The following ARHGAP42 variants were observed in gnomAD, a reference collection of about 807,000 sequenced individuals.
ARHGAP42 encodes rho GTPase-activating protein 42.
ARHGAP42 carries 63 observed loss-of-function variants against 125.0 expected under a neutral mutation model. That is an observed-to-expected ratio of 0.50 (90% CI 0.41 to 0.62). The LOEUF (loss-of-function observed/expected upper bound fraction) is 0.62. ARHGAP42 is among the 20% of genes least tolerant of loss of function. The pLI, the probability that ARHGAP42 is intolerant of heterozygous loss-of-function variation, is 0.00. For missense variants in ARHGAP42, 766 were observed against 1,024.2 expected (o/e 0.75, Z 3.44); for synonymous variants, 339 against 351.0 (o/e 0.97, Z 0.38).
In ARHGAP42 at chr11:100,913,565, C is replaced by T; in HGVS notation, c.486+12C>T. Reference sequence around the variant, plus strand: ...CTCATTTACAAGAGGTAAGCTTTTCCAACTGAAATAATGGAAAAGGCATTA... The same window carrying T: ...CTCATTTACAAGAGGTAAGCTTTTCTAACTGAAATAATGGAAAAGGCATTA... On this transcript the variant is annotated intron_variant, in intron 5 of 23. Transcript: ENST00000298815. 1 of 1,254,420 alleles carries T rather than the reference C, an allele frequency of 8.0e-7. No individual in the cohort carries two copies. Among genetic ancestry groups the T allele is most frequent in the South Asian group, 1.3e-5 (1 of 74,428 alleles). 77.7% of individuals were successfully genotyped at this position (1,254,420 alleles called of 1,614,324 possible).
intron 3 of ARHGAP42, among the ~76,000 whole-genome samples, chr11:100,801,421 T>C (rs1863849006): frequency 6.6e-6 from 1 of 152,202 alleles, no homozygotes; most frequent in Admixed American, 6.5e-5. Flanking sequence ...AAATATCGAC[T>C]GGATGCAGTT....
At chr11:100,807,442 C>T (rs745473621) in intron 3 of ARHGAP42, among the ~76,000 whole-genome samples, 14 of 152,150 alleles carry the variant, frequency 9.2e-5, no homozygotes, top group East Asian at 3.9e-4. Flanking sequence ...GAAATCCACC[C>T]GCCTCGGTCT....
chr11:100,903,247 T>C (rs1866611013), intron 4 of ARHGAP42, among the ~76,000 whole-genome samples: 2 of 152,106 alleles, frequency 1.3e-5, no homozygotes, highest in South Asian at 4.2e-4. Flanking sequence ...AAAAATTTAA[T>C]TTCTACTGCT....
At chr11:100,868,047 G>A (rs1865613073) in intron 4 of ARHGAP42, among the ~76,000 whole-genome samples, 1 of 151,982 alleles carries the variant, frequency 6.6e-6, no homozygotes, top group Admixed American at 6.6e-5. Context: ...TCACAATAGT[G>A]GTGTCAAAGA....
chr11:100,962,517 T>C (rs1857981568), intron 16 of ARHGAP42, 50 bp downstream of exon 16: 5 of 1,438,208 alleles, frequency 3.5e-6, no homozygotes, highest in Non-Finnish European at 4.8e-6. Flanking sequence ...AGTTTTATGC[T>C]GCCATACTTA....
chr11:100,704,730 G>C (rs978622635), intron 1 of ARHGAP42, among the ~76,000 whole-genome samples: 4 of 151,950 alleles, frequency 2.6e-5, no homozygotes, highest in Admixed American at 6.6e-5. Context: ...AGACCAAGGA[G>C]GGAGGATCTC....
intron 10 of ARHGAP42, among the ~76,000 whole-genome samples, chr11:100,947,636 A>T (rs894977232): frequency 1.3e-5 from 2 of 151,942 alleles, no homozygotes; most frequent in East Asian, 3.8e-4. Flanking sequence ...CCAACATCAG[A>T]TTATCTTGAT....
intron 1 of ARHGAP42, among the ~76,000 whole-genome samples, chr11:100,751,061 C>A (rs1303021920): frequency 1.3e-5 from 2 of 151,482 alleles, no homozygotes; most frequent in Admixed American, 1.3e-4. Context: ...GCCTCAGCCT[C>A]CTAAGTAGCT....
intron 4 of ARHGAP42, among the ~76,000 whole-genome samples, chr11:100,878,198 A>C (rs1313381449): frequency 6.6e-6 from 1 of 151,470 alleles, no homozygotes; most frequent in Non-Finnish European, 1.5e-5. Context: ...GCACAATCTC[A>C]GCTCACCGCA....
chr11:100,931,991 A>T (rs182363493), intron 6 of ARHGAP42, among the ~76,000 whole-genome samples: 1 of 152,176 alleles, frequency 6.6e-6, no homozygotes, highest in Non-Finnish European at 1.5e-5. Context: ...TAATATCAGG[A>T]CTGTTTGAAC....
intron 5 of ARHGAP42, among the ~76,000 whole-genome samples, chr11:100,919,123 C>T (rs573246468): frequency 2.6e-5 from 1 of 38,832 alleles, no homozygotes; most frequent in Non-Finnish European, 4.3e-5. Context: ...ACACTCAGAG[C>T]ATGCTCAATT....
chr11:100,707,858 A>G (rs1178597681), intron 1 of ARHGAP42, among the ~76,000 whole-genome samples: 1 of 152,156 alleles, frequency 6.6e-6, no homozygotes, highest in African/African-American at 2.4e-5. Context: ...TGCCATGTGT[A>G]GCCTTTATTT....
chr11:100,771,388 A>G (rs963823126), intron 2 of ARHGAP42, among the ~76,000 whole-genome samples: 4 of 152,092 alleles, frequency 2.6e-5, no homozygotes, highest in Admixed American at 2.6e-4. Context: ...CCTTTTAAAG[A>G]CCTCTACATT....
rs941883470 is a variant in ARHGAP42 at position 100,992,227 on chromosome 11, A to G, written c.*3426A>G. On this transcript the variant is annotated 3_prime_UTR_variant, in exon 24 of 24. Coordinates refer to ENST00000298815, the MANE Select transcript of ARHGAP42 (RefSeq NM_152432.4). The stretch of plus-strand genomic sequence containing the variant: ...GAACCCCAACTAGACTTATACTTTG[A>G]CTAAAGTCAGAGGCAGACCAATTTA... 1.4e-6 allele frequency: 2 copies of G among 1,464,440 alleles called. No individual in the cohort carries two copies. The highest frequency in any genetic ancestry group is 2.8e-5 in the African/African-American group (2 of 70,630). 90.7% of individuals were successfully genotyped at this position (1,464,440 alleles called of 1,614,324 possible).
chr11:100,816,666 T>C (rs969810803), intron 3 of ARHGAP42: 2 of 152,252 alleles, frequency 1.3e-5, no homozygotes, highest in Non-Finnish European at 2.9e-5. Flanking sequence ...TTATTTTAAT[T>C]GGCAACAGTT....
chr11:100,965,545 C>T, intron 16 of ARHGAP42, 126 bp from the exon 17 acceptor site: 1 of 788,090 alleles, frequency 1.3e-6, no homozygotes, highest in South Asian at 1.5e-5. Flanking sequence ...AATGACAGTA[C>T]TACATGAAGC....
Position 100,764,004 on chromosome 11 carries a change from C to G in ARHGAP42, c.155-6339C>G, listed in dbSNP as rs1006628592. The stretch of plus-strand genomic sequence containing the variant: ...TCCTCTTCCTTCTCCTCCTCCTCCC[C>G]CTCTTCTTCTTCTTCTTCTTCTTTT... On this transcript the variant is annotated intron_variant, in intron 1 of 23. Transcript: ENST00000298815. Among the ~76,000 whole-genome samples the G allele has an allele frequency of 3.6e-5, 5 of 137,640 alleles. No individual in the cohort carries two copies. The East Asian group carries it at 1.0e-3, about 27-fold the overall frequency. 90.3% of individuals were successfully genotyped at this position (137,640 alleles called of 152,430 possible).
At chr11:100,720,009 T>C (rs987662313) in intron 1 of ARHGAP42, among the ~76,000 whole-genome samples, 3 of 152,202 alleles carry the variant, frequency 2.0e-5, no homozygotes, top group African/African-American at 7.2e-5. Flanking sequence ...TCCTAGTTGA[T>C]CTGGCACCGT....
chr11:100,934,787 A>G lies in ARHGAP42; in HGVS notation c.703-1416A>G, dbSNP rs144843028. 6.1e-3 allele frequency among the ~76,000 whole-genome samples: 928 copies of G among 152,330 alleles called. 5 individuals are homozygous for G. The highest frequency in any genetic ancestry group is 0.021 in the African/African-American group (888 of 41,578). ...GGAAATGTCCAGTAAATAAAACTAC[A>G]GAGTTAGAATGTCCCATAAGAAATA... On this transcript the variant is annotated intron_variant, in intron 7 of 23. Coordinates refer to ENST00000298815, the MANE Select transcript of ARHGAP42 (RefSeq NM_152432.4).
Sources: gnomAD v4.1 joint callset for allele counts (sites outside exome capture counted in the v4.1 genomes callset) on GRCh38, gnomAD v4.1.1 for gene constraint, MANE v1.5 for transcripts, NCBI Gene and HGNC (gene_info 2026-07-23, HGNC 2026-07-21) for gene names.